Variants in CYRIA observed in about 807,000 individuals in gnomAD.
CYRIA encodes the protein CYFIP-related Rac1 interactor A.
Under a neutral mutation model 43.9 loss-of-function variants are expected in CYRIA, and 15 were observed. The ratio of observed to expected loss-of-function variants is 0.34; its 90% CI spans 0.23 to 0.53. CYRIA has a LOEUF of 0.53. CYRIA is among the 20% of genes least tolerant of loss of function. CYRIA has a pLI of 0.94. For synonymous variants in CYRIA, 117 were observed against 136.0 expected, an observed-to-expected ratio of 0.86 and a Z score of 0.97; for missense variants, 236 against 394.2, an observed-to-expected ratio of 0.60 and a Z score of 3.40.
At chr2:16,630,710 G>C (rs544488086) in intron 1 of CYRIA, among the ~76,000 whole-genome samples, 2 of 152,224 alleles carry the variant, frequency 1.3e-5, no homozygotes, top group East Asian at 3.9e-4. Context: ...GAGGAAGTGG[G>C]AGACACATTA....
intron 3 of CYRIA, among the ~76,000 whole-genome samples, chr2:16,574,550 G>A (rs571290761): frequency 9.2e-5 from 14 of 152,276 alleles, no homozygotes; most frequent in South Asian, 4.1e-4. Context: ...ATGGTTTTGC[G>A]GGCCAGGCCC....
intron 1 of CYRIA, among the ~76,000 whole-genome samples, chr2:16,656,599 A>G (rs1670120125): frequency 6.6e-6 from 1 of 152,248 alleles, no homozygotes; most frequent in Non-Finnish European, 1.5e-5. Flanking sequence ...CCAGAAGGAC[A>G]CAGTGGGTCC....
intron 2 of CYRIA, among the ~76,000 whole-genome samples, chr2:16,608,530 T>C (rs2103486902): frequency 6.6e-6 from 1 of 152,336 alleles, no homozygotes; most frequent in South Asian, 2.1e-4. Flanking sequence ...TAAGCTACTC[T>C]AAAAAGGAAA....
chr2:16,561,349 A>G (rs1558402027), intron 7 of CYRIA, 72 bp from the exon 8 acceptor site: 1 of 1,471,302 alleles, frequency 6.8e-7, no homozygotes, highest in Admixed American at 1.7e-5. Flanking sequence ...TTTCTCTGGA[A>G]CTGAATTACA....
intron 1 of CYRIA, among the ~76,000 whole-genome samples, chr2:16,657,674 T>G (rs944937444): frequency 4.6e-5 from 7 of 152,334 alleles, no homozygotes; most frequent in African/African-American, 1.7e-4. Flanking sequence ...TCAGTTCTTT[T>G]AGGCTTTCTG....
In CYRIA at chr2:16,550,715, T is replaced by C. The variant is rs1379031377; in HGVS notation, c.*2221A>G. The C allele has an allele frequency of 6.6e-6, 1 of 152,152 alleles. No homozygotes were observed. Among genetic ancestry groups the C allele is most frequent in the East Asian group, 1.9e-4 (1 of 5,178 alleles). 9.4% of individuals were successfully genotyped at this position (152,152 alleles called of 1,614,324 possible). On this transcript the variant is annotated 3_prime_UTR_variant, in exon 12 of 12. Transcript: ENST00000381323. ...CCATTAGCCAGCTGAGAGTCAGCTG[T>C]GGTAGAGACACACGACATGGGTTCA...
intron 2 of CYRIA, among the ~76,000 whole-genome samples, chr2:16,600,842 G>A (rs931882071): frequency 3.9e-5 from 6 of 152,088 alleles, no homozygotes; most frequent in Non-Finnish European, 8.8e-5. Context: ...ATTGATTGGG[G>A]GGATAAAAAG....
intron 1 of CYRIA, among the ~76,000 whole-genome samples, chr2:16,657,596 T>C (rs1421168240): frequency 6.6e-6 from 1 of 152,094 alleles, no homozygotes; most frequent in Non-Finnish European, 1.5e-5. Flanking sequence ...AGATGGGCCA[T>C]GTCACCATAC....
intron 3 of CYRIA, among the ~76,000 whole-genome samples, chr2:16,580,811 T>G (rs1370900126): frequency 6.6e-6 from 1 of 152,186 alleles, no homozygotes; most frequent in Admixed American, 6.5e-5. Context: ...CAGAGAGTCC[T>G]GAAGTAGCCC....
At chr2:16,632,691 C>G (rs145249539) in intron 1 of CYRIA, among the ~76,000 whole-genome samples, 195 of 152,270 alleles carry the variant, frequency 1.3e-3, no homozygotes, top group African/African-American at 4.5e-3. Flanking sequence ...GGGAGAGAGT[C>G]AGAGTCCATA....
intron 1 of CYRIA, among the ~76,000 whole-genome samples, chr2:16,637,253 G>A (rs1669526156): frequency 6.6e-6 from 1 of 152,128 alleles, no homozygotes; most frequent in African/African-American, 2.4e-5. Context: ...TGACTTCTAG[G>A]GACTGAGTGT....
intron 3 of CYRIA, among the ~76,000 whole-genome samples, chr2:16,569,028 A>G (rs147794742): frequency 6.6e-6 from 1 of 152,324 alleles, no homozygotes; most frequent in African/African-American, 2.4e-5. Flanking sequence ...TTCAAAAATA[A>G]GACTGTTTCT....
chr2:16,622,443 C>G (rs1232383524), intron 2 of CYRIA, among the ~76,000 whole-genome samples: 1 of 152,118 alleles, frequency 6.6e-6, no homozygotes, highest in Non-Finnish European at 1.5e-5. Flanking sequence ...AAGGCCTGTC[C>G]TAGATTTTAG....
chr2:16,573,418 A>T (rs1212378138), intron 3 of CYRIA, among the ~76,000 whole-genome samples: 1 of 152,224 alleles, frequency 6.6e-6, no homozygotes, highest in Non-Finnish European at 1.5e-5. Flanking sequence ...CAAATATTCT[A>T]CATTTCCAAA....
At chr2:16,583,923 A>G (rs1426047809) in intron 3 of CYRIA, among the ~76,000 whole-genome samples, 11 of 152,226 alleles carry the variant, frequency 7.2e-5, no homozygotes, top group Admixed American at 7.2e-4. Context: ...CTAAGGACAG[A>G]TGTGTCTAAT....
chr2:16,562,255 C>A, intron 5 of CYRIA, 114 bp from the exon 6 acceptor site: 2 of 1,144,424 alleles, frequency 1.7e-6, no homozygotes, highest in Non-Finnish European at 2.4e-6. Flanking sequence ...TGAGTCTCTC[C>A]CGATAACTAC....
chr2:16,575,805 G>A (rs1293973885), intron 3 of CYRIA, among the ~76,000 whole-genome samples: 3 of 151,778 alleles, frequency 2.0e-5, no homozygotes, highest in Non-Finnish European at 4.4e-5. Flanking sequence ...GCAGTGAGCC[G>A]AGATTGCGCC....
intron 2 of CYRIA, among the ~76,000 whole-genome samples, chr2:16,600,995 C>T (rs1335025670): frequency 2.0e-5 from 3 of 152,154 alleles, no homozygotes; most frequent in African/African-American, 7.2e-5. Context: ...CCCTAGGAGG[C>T]CCCTGCCTGG....
At chr2:16,592,620 G>A in intron 2 of CYRIA, among the ~76,000 whole-genome samples, 1 of 152,130 alleles carries the variant, frequency 6.6e-6, no homozygotes, top group East Asian at 1.9e-4. Flanking sequence ...AACTTGCAGG[G>A]ATTAAGACAC....
Sources: allele counts gnomAD v4.1 joint callset (sites outside exome capture counted in the v4.1 genomes callset), GRCh38; gene constraint gnomAD v4.1.1; transcripts MANE v1.5; gene names NCBI Gene and HGNC (gene_info 2026-07-23, HGNC 2026-07-21).